Variants in SYK observed in about 807,000 individuals in gnomAD.
SYK encodes the protein spleen associated tyrosine kinase.
Under a neutral mutation model 77.8 loss-of-function variants are expected in SYK, and 16 were observed. The ratio of observed to expected loss-of-function variants is 0.21; its 90% CI spans 0.14 to 0.31. The LOEUF is 0.31. Among genes scored for constraint, SYK ranks in the 10% least tolerant of loss-of-function variants. SYK has a pLI of 1.00. For missense variants in SYK, 529 were observed against 814.4 expected (o/e 0.65, Z 4.26); for synonymous variants, 312 against 308.7 (o/e 1.01, Z -0.11).
intron 3 of SYK, among the ~76,000 whole-genome samples, chr9:90,848,427 C>G (rs965796368): frequency 2.0e-5 from 3 of 152,200 alleles, no homozygotes; most frequent in African/African-American, 7.2e-5. Flanking sequence ...AGTCCCAGAC[C>G]TGGTTTTGAA....
At chr9:90,888,714 AC>A (rs1255343006) in intron 13 of SYK, 87 bp downstream of exon 13, 3 of 1,035,360 alleles carry the variant, frequency 2.9e-6, no homozygotes, top group Non-Finnish European at 2.7e-6. Flanking sequence ...GATAAAGTTC[AC>A]CTTTTCATGA....
intron 7 of SYK, among the ~76,000 whole-genome samples, chr9:90,867,531 A>G (rs1399038197): frequency 2.6e-5 from 4 of 152,226 alleles, no homozygotes; most frequent in Non-Finnish European, 5.9e-5. Flanking sequence ...AAGATGGCCC[A>G]CTTACTTTTT....
At chr9:90,860,103 C>G (rs905448111) in intron 3 of SYK, among the ~76,000 whole-genome samples, 2 of 152,258 alleles carry the variant, frequency 1.3e-5, no homozygotes, top group Non-Finnish European at 2.9e-5. Context: ...ATCCTCCTGC[C>G]TTGGCCTCCC....
At chr9:90,825,336 C>A (rs1376092718) in intron 1 of SYK, among the ~76,000 whole-genome samples, 1 of 152,154 alleles carries the variant, frequency 6.6e-6, no homozygotes, top group African/African-American at 2.4e-5. Flanking sequence ...CAATCAAAAT[C>A]CCAGCAAGCT....
At chr9:90,802,709 C>A (rs1193156151) in intron 1 of SYK, among the ~76,000 whole-genome samples, 1 of 148,644 alleles carries the variant, frequency 6.7e-6, no homozygotes, top group African/African-American at 2.5e-5. Context: ...GAGTTTGAAT[C>A]TTTTTTTACG....
At chr9:90,870,876 C>T (rs992975029) in intron 7 of SYK, among the ~76,000 whole-genome samples, 14 of 152,214 alleles carry the variant, frequency 9.2e-5, no homozygotes, top group African/African-American at 3.1e-4. Context: ...TGAAAATGGC[C>T]CAAGAATCTG....
Position 90,895,209 on chromosome 9 carries a change from C to G in SYK, c.1836-319C>G, listed in dbSNP as rs182977196. Among the ~76,000 whole-genome samples the G allele has an allele frequency of 1.3e-5, 2 of 152,148 alleles. No homozygotes were observed. Among genetic ancestry groups the G allele is most frequent in the Non-Finnish European group, 2.9e-5 (2 of 68,034 alleles). On this transcript the variant is annotated intron_variant, in intron 13 of 13. Transcript: ENST00000375754. This position sits in a 1 kb window ranked among gnomAD's most constrained non-coding sequence, Gnocchi z 4.4. ...TGTGGCACAGAAGCATATTGTGTGC[C>G]GCATATCTGAACCTGGGGCTAAAAC...
rs1828001134 is a variant in SYK, at chr9:90,877,790, G to A, written c.1391+10G>A. ...ATTTGCAGCAGAACAGGTATTGTCA[G>A]GTGCCCCCACACATCTGGAAGCTAT... is the stretch of plus-strand genomic sequence containing the variant. On this transcript the variant is annotated intron_variant, in intron 10 of 13. Coordinates refer to ENST00000375754, the MANE Select transcript of SYK (RefSeq NM_003177.7). The A allele has an allele frequency of 5.0e-6, 8 of 1,613,730 alleles. No homozygotes were observed. The highest frequency in any genetic ancestry group is 4.2e-6 in the Non-Finnish European group (5 of 1,179,950).
intron 11 of SYK, among the ~76,000 whole-genome samples, chr9:90,887,198 A>C (rs939089929): frequency 1.3e-5 from 2 of 151,972 alleles, no homozygotes; most frequent in Admixed American, 6.6e-5. Context: ...TCTCAATTTC[A>C]CTCAGCATAA....
chr9:90,838,874 A>G (rs1826183377), intron 1 of SYK, among the ~76,000 whole-genome samples: 1 of 152,240 alleles, frequency 6.6e-6, no homozygotes, highest in African/African-American at 2.4e-5. Context: ...TCAGGCGGGA[A>G]GGACTGAGTC....
intron 1 of SYK, among the ~76,000 whole-genome samples, chr9:90,815,557 C>G (rs895768191): frequency 5.8e-4 from 88 of 152,244 alleles, no homozygotes; most frequent in Non-Finnish European, 7.3e-5. Context: ...AGTGCAGTCA[C>G]GTGCTGCCCT....
intron 3 of SYK, among the ~76,000 whole-genome samples, chr9:90,849,052 A>C (rs748016100): frequency 8.5e-5 from 13 of 152,060 alleles, no homozygotes; most frequent in Admixed American, 7.9e-4. Flanking sequence ...GTGAGTGGAG[A>C]AGGGTGGAGT....
chr9:90,815,899 A>G (rs994085707), intron 1 of SYK, among the ~76,000 whole-genome samples: 9 of 152,218 alleles, frequency 5.9e-5, no homozygotes, highest in Admixed American at 2.6e-4. Flanking sequence ...AGATAATTCT[A>G]GAGCAACTGC....
chr9:90,887,964 C>A lies in SYK; in HGVS notation c.1722+75C>A, dbSNP rs1417260774. On this transcript the variant is annotated intron_variant, in intron 12 of 13. Transcript: ENST00000375754. ...AAGCACCAGATTGTCTTTACAACAACCTGAAAATCCTAATCTGAGTCTCTC... is the reference window on the plus strand; with the variant it reads ...AAGCACCAGATTGTCTTTACAACAAACTGAAAATCCTAATCTGAGTCTCTC... The A allele has an allele frequency of 6.2e-6, 9 of 1,450,368 alleles. No homozygotes were observed. The East Asian group carries it at 7.7e-5, about 12-fold the overall frequency. The allele number at this position is 1,450,368 out of a possible 1,614,324, so 89.8% of individuals were successfully genotyped here. A position where few individuals can be genotyped will look rare whatever the true frequency, so the allele number is the denominator to read the frequency against.
chr9:90,842,644 T>C (rs62559143), intron 1 of SYK, among the ~76,000 whole-genome samples: 26,103 of 150,688 alleles, frequency 0.17, 2,427 homozygotes, highest in Middle Eastern at 0.24. Context: ...TTTGTGTGTT[T>C]GGTGTGTGTG....
At chr9:90,822,541 A>T (rs1825553563) in intron 1 of SYK, among the ~76,000 whole-genome samples, 1 of 152,266 alleles carries the variant, frequency 6.6e-6, no homozygotes, top group South Asian at 2.1e-4. Flanking sequence ...TCTAAAATAT[A>T]ATGTCTCTTT....
At position 90,884,460 on chromosome 9, in the gene SYK, T is replaced by C. The variant is rs1306371413; in HGVS notation, c.1582-3289T>C. On this transcript the variant is annotated intron_variant, in intron 11 of 13. Transcript: ENST00000375754. ...GTGTACATATACATACACATACACA[T>C]ATGTGTGTACATATACATACACACA... is the stretch of plus-strand genomic sequence containing the variant. 7.2e-5 allele frequency among the ~76,000 whole-genome samples: 4 copies of C among 55,660 alleles called. 2 individuals are homozygous for C. The allele number at this position is 55,660 out of a possible 152,430, so 36.5% of individuals were successfully genotyped here. A position where few individuals can be genotyped will look rare whatever the true frequency, so the allele number is the denominator to read the frequency against.
At chr9:90,881,521 A>G (rs2118907262) in intron 11 of SYK, among the ~76,000 whole-genome samples, 1 of 152,086 alleles carries the variant, frequency 6.6e-6, no homozygotes, top group African/African-American at 2.4e-5. Flanking sequence ...CTCTACTAAA[A>G]ACACAAAAAT....
intron 1 of SYK, among the ~76,000 whole-genome samples, chr9:90,819,291 T>C (rs1825417867): frequency 6.6e-6 from 1 of 152,224 alleles, no homozygotes. Flanking sequence ...ATTTGCCTAC[T>C]CACAATCACA....
Sources: allele counts gnomAD v4.1 joint callset (sites outside exome capture counted in the v4.1 genomes callset), GRCh38; gene constraint gnomAD v4.1.1; non-coding constraint Gnocchi (gnomAD v3.1); transcripts MANE v1.5; gene names NCBI Gene and HGNC (gene_info 2026-07-23, HGNC 2026-07-21).